RIMS1: variants seen among roughly 807,000 people sequenced by gnomAD.
RIMS1 encodes the protein regulating synaptic membrane exocytosis protein 1.
Under a neutral mutation model 214.1 loss-of-function variants are expected in RIMS1, and 83 were observed. That is an observed-to-expected ratio of 0.39 (90% confidence interval 0.32 to 0.47). RIMS1 has a LOEUF of 0.47. RIMS1 is among the 20% of genes least tolerant of loss of function. The pLI is 0.99. For synonymous variants in RIMS1, 793 were observed against 786.8 expected, an observed-to-expected ratio of 1.01 and a Z score of -0.13; for missense variants, 2,050 against 2,161.8, an observed-to-expected ratio of 0.95 and a Z score of 1.03.
chr6:72,102,592 A>T (rs2033852538), intron 4 of RIMS1, among the ~76,000 whole-genome samples: 1 of 152,070 alleles, frequency 6.6e-6, no homozygotes, highest in African/African-American at 2.4e-5. Flanking sequence ...ATGCTTTTAT[A>T]GAAAGGCTTA....
At chr6:72,084,050 G>A (rs1012578278) in intron 2 of RIMS1, among the ~76,000 whole-genome samples, 4 of 152,140 alleles carry the variant, frequency 2.6e-5, no homozygotes, top group Non-Finnish European at 4.4e-5. Flanking sequence ...ACAGTGTGTT[G>A]TGCATTCCAG....
intron 1 of RIMS1, among the ~76,000 whole-genome samples, chr6:71,937,723 A>G (rs567984950): frequency 6.6e-6 from 1 of 152,302 alleles, no homozygotes; most frequent in Non-Finnish European, 1.5e-5. Context: ...ATGAGGACAG[A>G]GCCTAATCAC....
At chr6:72,125,044 TGGA>T (rs572816145) in intron 4 of RIMS1, among the ~76,000 whole-genome samples, 294 of 152,318 alleles carry the variant, frequency 1.9e-3, no homozygotes, top group Non-Finnish European at 3.2e-3. Context: ...TGCAGTCCTT[TGGA>T]GGAGAAGAGG....
At chr6:72,002,218 G>A (rs1805486984) in intron 2 of RIMS1, among the ~76,000 whole-genome samples, 1 of 151,864 alleles carries the variant, frequency 6.6e-6, no homozygotes, top group African/African-American at 2.4e-5. Context: ...AAAATAGGAA[G>A]TATCAGAACG....
At chr6:72,003,449 G>A (rs1806066950) in intron 2 of RIMS1, among the ~76,000 whole-genome samples, 1 of 152,042 alleles carries the variant, frequency 6.6e-6, no homozygotes, top group African/African-American at 2.4e-5. Context: ...ATGAATGAAT[G>A]AATGAATGAC....
chr6:72,061,367 T>G (rs527993387), intron 2 of RIMS1, among the ~76,000 whole-genome samples: 3 of 152,334 alleles, frequency 2.0e-5, no homozygotes, highest in South Asian at 2.1e-4. Flanking sequence ...ACCAAAAAAT[T>G]TAATATCCTT....
chr6:72,183,038 G>A lies in RIMS1; in HGVS notation c.1567G>A (p.Gly523Ser), dbSNP rs778848762. 6.9e-6 allele frequency: 11 copies of A among 1,598,934 alleles called. No individual in the cohort carries two copies. In the African/African-American group the frequency reaches 1.1e-4, roughly 16 times the overall value. Residue 523 changes from glycine to serine, a missense_variant, in exon 6 of 34, where the codon GGC becomes AGC. Gly to Ser is a moderately conservative substitution (Grantham distance 56, BLOSUM62 0). Around this residue, in one of 6 missense-constraint regions of RIMS1, gnomAD observed 882 missense variants for 828.9 expected, o/e 1.06. Coordinates refer to ENST00000521978, the MANE Select transcript of RIMS1 (RefSeq NM_014989.7). ...CAAGCCGCACCGGTCCAAGAGAGGC[G>A]GCAAGAAGCGGCAGATGTCGGTGAG... ...PPKPHRSKRG[G>S]KKRQMSVSSS... is the part of the protein sequence containing the mutation.
At chr6:72,038,118 AAT>A (rs70994111) in intron 2 of RIMS1, among the ~76,000 whole-genome samples, 223 of 13,390 alleles carry the variant, frequency 0.017, 5 homozygotes, top group Middle Eastern at 0.062. Context: ...AAAAAAAAAA[AAT>A]ATATATATAT....
chr6:72,265,984 G>A lies in RIMS1; in HGVS notation c.3333G>A (p.Arg1111=). The A allele has an allele frequency of 3.2e-6, 5 of 1,580,824 alleles. No individual in the cohort carries two copies. The highest frequency in any genetic ancestry group is 4.3e-6 in the Non-Finnish European group (5 of 1,162,048). The change falls in exon 22 of 34, where the codon AGG becomes AGA. Residue 1111 remains arginine, a synonymous_variant. Coordinates refer to ENST00000521978, the MANE Select transcript of RIMS1 (RefSeq NM_014989.7). The part of the protein sequence containing the change: ...LVSELQPFLD[R]ARSASTNCLR... The stretch of plus-strand genomic sequence containing the variant: ...GTGAACTGCAGCCCTTTCTTGACAG[G>A]GCTAGGAGTGCTAGTACCAACTGCT...
At chr6:72,256,819 A>G (rs532477216) in intron 16 of RIMS1, among the ~76,000 whole-genome samples, 49 of 152,124 alleles carry the variant, frequency 3.2e-4, no homozygotes, top group Middle Eastern at 6.9e-3. Flanking sequence ...TGAATAACAG[A>G]CTTTTTATAC....
At chr6:72,207,107 T>C (rs968375473) in intron 6 of RIMS1, among the ~76,000 whole-genome samples, 2 of 152,230 alleles carry the variant, frequency 1.3e-5, no homozygotes, top group African/African-American at 4.8e-5. Context: ...AGGCAAGGTA[T>C]AACCCAGAGA....
At chr6:72,117,757 C>T (rs1320838193) in intron 4 of RIMS1, among the ~76,000 whole-genome samples, 1 of 151,698 alleles carries the variant, frequency 6.6e-6, no homozygotes, top group East Asian at 1.9e-4. Context: ...TTATCAAAAC[C>T]TCTGGGATAC....
At chr6:72,083,410 C>A (rs777045438) in intron 2 of RIMS1, among the ~76,000 whole-genome samples, 1 of 152,014 alleles carries the variant, frequency 6.6e-6, no homozygotes, top group Admixed American at 6.6e-5. Flanking sequence ...CGTGTTCCAC[C>A]AGTGGTTGTA....
chr6:72,238,271 GA>G (rs1166516750), intron 9 of RIMS1, among the ~76,000 whole-genome samples: 2 of 151,678 alleles, frequency 1.3e-5, no homozygotes. Context: ...TTATCTTTGA[GA>G]AAAAAATCTT....
chr6:71,931,129 T>C (rs779307343), intron 1 of RIMS1, among the ~76,000 whole-genome samples: 1 of 152,014 alleles, frequency 6.6e-6, no homozygotes, highest in Non-Finnish European at 1.5e-5. Flanking sequence ...GCTTTCCAGT[T>C]CAAAAATAGT....
At chr6:72,009,005 A>T (rs1412946951) in intron 2 of RIMS1, among the ~76,000 whole-genome samples, 2 of 152,198 alleles carry the variant, frequency 1.3e-5, no homozygotes, top group Non-Finnish European at 1.5e-5. Flanking sequence ...CTCCACCCCA[A>T]ATCAACAGAA....
At chr6:72,276,415 C>T (rs896935698) in intron 23 of RIMS1, among the ~76,000 whole-genome samples, 5 of 152,030 alleles carry the variant, frequency 3.3e-5, no homozygotes, top group African/African-American at 1.2e-4. Context: ...ATAATACTTT[C>T]AGTTCTTACA....
At position 72,044,832 on chromosome 6, in the gene RIMS1, C is replaced by T. The variant is rs544955194; in HGVS notation, c.246-52117C>T. 5.9e-5 allele frequency among the ~76,000 whole-genome samples: 9 copies of T among 151,960 alleles called. No individual in the cohort carries two copies. The East Asian group carries it at 1.7e-3, about 29-fold the overall frequency. On this transcript the variant is annotated intron_variant, in intron 2 of 33. Coordinates refer to ENST00000521978, the MANE Select transcript of RIMS1 (RefSeq NM_014989.7). ...AGTTAAATATATGTTTAATATATTT[C>T]CCAGCAATCAAACTCTTAGATATTT...
intron 1 of RIMS1, among the ~76,000 whole-genome samples, chr6:71,911,445 T>C (rs1776895144): frequency 6.6e-6 from 1 of 152,178 alleles, no homozygotes; most frequent in Non-Finnish European, 1.5e-5. Context: ...TGCATATGGT[T>C]AAATTCTTAT....
Sources: gnomAD v4.1 joint callset for allele counts (sites outside exome capture counted in the v4.1 genomes callset) on GRCh38, gnomAD v4.1.1 for gene constraint, gnomAD v4.1.1 regional missense constraint, MANE v1.5 for transcripts, NCBI Gene and HGNC (gene_info 2026-07-23, HGNC 2026-07-21) for gene names.